The following PRKN variants were observed in gnomAD, a reference collection of about 807,000 sequenced individuals.
PRKN encodes parkin RBR E3 ubiquitin protein ligase.
In PRKN, 56 loss-of-function variants were observed where a neutral mutation model predicts 59.5. That is an observed-to-expected ratio of 0.94 (90% confidence interval 0.76 to 1.18). The LOEUF is 1.18. Ranked by LOEUF, PRKN falls within the 50% of genes most tolerant of loss-of-function variation. The pLI is 0.00. For synonymous variants in PRKN, 250 were observed against 222.1 expected, an observed-to-expected ratio of 1.13 and a Z score of -1.12; for missense variants, 657 against 596.4, an observed-to-expected ratio of 1.10 and a Z score of -1.06.
At chr6:161,762,121 G>A (rs1789229022) in intron 7 of PRKN, among the ~76,000 whole-genome samples, 1 of 152,150 alleles carries the variant, frequency 6.6e-6, no homozygotes, top group Non-Finnish European at 1.5e-5. Context: ...GAGTTAATGA[G>A]AGGAATTTAG....
At chr6:162,247,784 C>T (rs915800769) in intron 3 of PRKN, among the ~76,000 whole-genome samples, 1 of 152,104 alleles carries the variant, frequency 6.6e-6, no homozygotes, top group African/African-American at 2.4e-5. Flanking sequence ...TTATGAAAGG[C>T]AAAGTTTCCT....
intron 1 of PRKN, among the ~76,000 whole-genome samples, chr6:162,683,556 T>C (rs1779849741): frequency 6.6e-6 from 1 of 152,154 alleles, no homozygotes; most frequent in Non-Finnish European, 1.5e-5. Context: ...GCAAAGTAAC[T>C]ATAAGTCATT....
At chr6:161,496,008 G>A (rs930713327) in intron 9 of PRKN, among the ~76,000 whole-genome samples, 10 of 152,298 alleles carry the variant, frequency 6.6e-5, no homozygotes, top group South Asian at 2.1e-4. Context: ...CTGTGTCATG[G>A]GGGCATGCTG....
At chr6:162,398,410 G>A (rs892607413) in intron 2 of PRKN, among the ~76,000 whole-genome samples, 3 of 142,708 alleles carry the variant, frequency 2.1e-5, no homozygotes, top group African/African-American at 8.0e-5. Flanking sequence ...TTTTTTTTGA[G>A]ACAGAGTTTT....
At position 161,471,251 on chromosome 6, in the gene PRKN, G is replaced by T. The variant is rs1360317553; in HGVS notation, c.1083+77603C>A. 6.6e-6 allele frequency among the ~76,000 whole-genome samples: 1 copy of T among 152,158 alleles called. No homozygotes were observed. Among genetic ancestry groups the T allele is most frequent in the Admixed American group, 6.5e-5 (1 of 15,282 alleles). ...AATGCTCTTTCAAAAAGCCTAGAAA[G>T]AAATATAGCCAAACATTAGCAGAGT... is the stretch of plus-strand genomic sequence containing the variant. On this transcript the variant is annotated intron_variant, in intron 9 of 11. Transcript: ENST00000366898. This position sits in a 1 kb window ranked among gnomAD's most constrained non-coding sequence, Gnocchi z 4.5.
intron 1 of PRKN, among the ~76,000 whole-genome samples, chr6:162,648,293 T>C (rs908249743): frequency 2.0e-5 from 3 of 152,138 alleles, no homozygotes; most frequent in African/African-American, 4.8e-5. Flanking sequence ...TTATACTAAA[T>C]GGGATTCCAA....
At chr6:161,455,614 C>T (rs1789932365) in intron 9 of PRKN, among the ~76,000 whole-genome samples, 1 of 152,024 alleles carries the variant, frequency 6.6e-6, no homozygotes, top group African/African-American at 2.4e-5. Context: ...GCCTGTAATC[C>T]CAGCACTTTG....
At chr6:162,015,685 T>C (rs963391289) in intron 5 of PRKN, among the ~76,000 whole-genome samples, 7 of 152,152 alleles carry the variant, frequency 4.6e-5, no homozygotes, top group African/African-American at 1.7e-4. Context: ...GCATTCCAGC[T>C]AGAAGAATGA....
intron 1 of PRKN, among the ~76,000 whole-genome samples, chr6:162,545,671 C>A (rs548058876): frequency 6.6e-6 from 1 of 151,906 alleles, no homozygotes; most frequent in African/African-American, 2.4e-5. Context: ...TTTATTACTC[C>A]GAGGAAATTA....
At chr6:161,820,617 G>A (rs1287889770) in intron 6 of PRKN, among the ~76,000 whole-genome samples, 1 of 146,308 alleles carries the variant, frequency 6.8e-6, no homozygotes, top group Non-Finnish European at 1.5e-5. Context: ...ATAATATACA[G>A]TATACAATAT....
intron 1 of PRKN, among the ~76,000 whole-genome samples, chr6:162,649,271 G>C (rs1485188037): frequency 6.6e-6 from 1 of 152,124 alleles, no homozygotes; most frequent in African/African-American, 2.4e-5. Flanking sequence ...CTATTTTCAT[G>C]GGGCTTATAG....
At chr6:161,684,991 A>G (rs115627496) in intron 7 of PRKN, among the ~76,000 whole-genome samples, 1,867 of 152,336 alleles carry the variant, frequency 0.012, 35 homozygotes, top group African/African-American at 0.042. Flanking sequence ...TTTGTCCTCA[A>G]GACTGGTGGT....
At chr6:162,290,833 G>A (rs1044734738) in intron 2 of PRKN, among the ~76,000 whole-genome samples, 1 of 152,104 alleles carries the variant, frequency 6.6e-6, no homozygotes, top group Admixed American at 6.6e-5. Context: ...AAGTTTCTTG[G>A]CAAAGACATT....
In PRKN at chr6:161,655,347, G is replaced by A. The variant is rs577515657; in HGVS notation, c.872-85931C>T. On this transcript the variant is annotated intron_variant, in intron 7 of 11. Transcript: ENST00000366898. Reference sequence around the variant, plus strand: ...TCCTGGGCCCACCCAGGCTCTCACCGTCATTAGCATGGGCCTGGCCCCTCA... The same window carrying A: ...TCCTGGGCCCACCCAGGCTCTCACCATCATTAGCATGGGCCTGGCCCCTCA... Among the ~76,000 whole-genome samples, 15 of 122,604 alleles carry A rather than the reference G, an allele frequency of 1.2e-4. No individual in the cohort carries two copies. The South Asian group carries it at 1.4e-3, about 12-fold the overall frequency. 80.4% of individuals were successfully genotyped at this position (122,604 alleles called of 152,430 possible).
intron 6 of PRKN, among the ~76,000 whole-genome samples, chr6:161,931,910 G>A (rs1182266721): frequency 5.3e-5 from 8 of 152,250 alleles, no homozygotes; most frequent in East Asian, 1.9e-4. Context: ...ATTTCTTACC[G>A]ATTAGGAGAT....
chr6:162,673,862 C>T (rs893526504), intron 1 of PRKN, among the ~76,000 whole-genome samples: 2 of 152,194 alleles, frequency 1.3e-5, no homozygotes, highest in African/African-American at 4.8e-5. Context: ...CGGAAGGCGG[C>T]AGTGTTTAAA....
In PRKN at chr6:161,487,079, T is replaced by A. The variant is rs1791685510; in HGVS notation, c.1083+61775A>T. Among the ~76,000 whole-genome samples, 2 of 152,098 alleles carry A rather than the reference T, an allele frequency of 1.3e-5. No homozygotes were observed. Among genetic ancestry groups the A allele is most frequent in the South Asian group, 4.1e-4 (2 of 4,828 alleles). The stretch of plus-strand genomic sequence containing the variant: ...TGCCACGGAGTGAGACGGGGAAAGA[T>A]GGGTGTCCTGGTTGAGGGGCGATGA... On this transcript the variant is annotated intron_variant, in intron 9 of 11. Transcript: ENST00000366898. This position sits in a 1 kb window ranked among gnomAD's most constrained non-coding sequence, Gnocchi z 5.3.
intron 4 of PRKN, among the ~76,000 whole-genome samples, chr6:162,090,673 C>T (rs111622227): frequency 4.6e-5 from 7 of 152,046 alleles, no homozygotes; most frequent in Admixed American, 4.6e-4. Context: ...GATATTTTGA[C>T]TAAAGAGCCG....
intron 6 of PRKN, among the ~76,000 whole-genome samples, chr6:161,960,391 G>A (rs1036322748): frequency 2.0e-5 from 3 of 152,178 alleles, no homozygotes; most frequent in African/African-American, 7.2e-5. Flanking sequence ...AATCTTAGCA[G>A]TGAGTAAAGA....
Sources: gnomAD v4.1 joint callset for allele counts (sites outside exome capture counted in the v4.1 genomes callset) on GRCh38, gnomAD v4.1.1 for gene constraint, Gnocchi (gnomAD v3.1) non-coding constraint, MANE v1.5 for transcripts, NCBI Gene and HGNC (gene_info 2026-07-23, HGNC 2026-07-21) for gene names.